Variants in PACS1 observed in about 807,000 individuals in gnomAD.
The protein encoded by PACS1 is PACS-1.
In PACS1, 24 loss-of-function variants were observed where a neutral mutation model predicts 115.0. The ratio of observed to expected loss-of-function variants is 0.21; its 90% confidence interval spans 0.15 to 0.29. PACS1 has a LOEUF of 0.29. Ranked by LOEUF, PACS1 falls within the 10% of genes least tolerant of loss-of-function variation. The pLI is 1.00. For missense variants in PACS1, 838 were observed against 1,251.2 expected, an observed-to-expected ratio of 0.67 and a Z score of 4.98; for synonymous variants, 453 against 504.5, an observed-to-expected ratio of 0.90 and a Z score of 1.37.
chr11:66,083,740 G>A (rs1297589339), intron 1 of PACS1, among the ~76,000 whole-genome samples: 1 of 152,070 alleles, frequency 6.6e-6, no homozygotes, highest in Non-Finnish European at 1.5e-5. Flanking sequence ...CTGTTTTCTT[G>A]TTTGTCATTT....
chr11:66,088,642 C>T (rs968294161), intron 1 of PACS1, among the ~76,000 whole-genome samples: 1 of 152,182 alleles, frequency 6.6e-6, no homozygotes. Flanking sequence ...GCCCTGTCTC[C>T]GTGACTGTAT....
At position 66,244,187 on chromosome 11, in the gene PACS1, A is replaced by AC. The variant is rs146861367; in HGVS notation, c.*912dup. The AC allele has an allele frequency of 6.7e-6, 1 of 149,530 alleles. No individual in the cohort carries two copies. Among genetic ancestry groups the AC allele is most frequent in the East Asian group, 2.0e-4 (1 of 5,042 alleles). 9.3% of individuals were successfully genotyped at this position (149,530 alleles called of 1,614,324 possible). On this transcript the variant is annotated 3_prime_UTR_variant, in exon 24 of 24. Coordinates refer to ENST00000320580, the MANE Select transcript of PACS1 (RefSeq NM_018026.4). ...CTGGACTTGGAGAGATGGGAGGCAGACCCCCACCACCATACATGCTGTCTG... is the reference window on the plus strand; with the variant it reads ...CTGGACTTGGAGAGATGGGAGGCAGACCCCCCACCACCATACATGCTGTCTG...
intron 1 of PACS1, among the ~76,000 whole-genome samples, chr11:66,108,647 C>T (rs1858111173): frequency 6.6e-6 from 1 of 152,072 alleles, no homozygotes; most frequent in African/African-American, 2.4e-5. Flanking sequence ...TACCTGTAGT[C>T]CAAGCTACTT....
chr11:66,165,025 T>C (rs1370971348), intron 1 of PACS1, among the ~76,000 whole-genome samples: 2 of 152,184 alleles, frequency 1.3e-5, no homozygotes, highest in East Asian at 3.9e-4. Flanking sequence ...ATGCCCTTTA[T>C]TGCAGCTTGA....
At chr11:66,121,072 G>A (rs1565114628) in intron 1 of PACS1, 5 of 456,120 alleles carry the variant, frequency 1.1e-5, no homozygotes, top group Non-Finnish European at 2.2e-5. Flanking sequence ...CGTTGAGTAA[G>A]TCTGTCGGCA....
chr11:66,230,596 G>A lies in PACS1; in HGVS notation c.1423G>A (p.Val475Met), dbSNP rs778277597. The change falls in exon 12 of 24, where the codon GTG becomes ATG. Residue 475 changes from valine to methionine, a missense_variant. Transcript: ENST00000320580. ...MFGDASTSLV[V>M]PEKVKTPMKS... ...TGGAGATGCCAGCACGAGTCTGGTT[G>A]TGCCGGAGAAAGTCAAAACTCCCAT... 2.8e-5 allele frequency: 46 copies of A among 1,614,052 alleles called. No homozygotes were observed. In the Middle Eastern group the frequency reaches 9.9e-4, roughly 35 times the overall value.
chr11:66,243,822 A>AG lies in PACS1; in HGVS notation c.*547dup, dbSNP rs932080990. ...CCCCAGAGCTTCTCAAGGGAGGGTA[A>AG]GGGGGCACCCTGAGCCCACAGGACC... On this transcript the variant is annotated 3_prime_UTR_variant, in exon 24 of 24. Coordinates refer to ENST00000320580, the MANE Select transcript of PACS1 (RefSeq NM_018026.4). The AG allele has an allele frequency of 3.3e-5, 5 of 153,806 alleles. No individual in the cohort carries two copies. Among genetic ancestry groups the AG allele is most frequent in the African/African-American group, 9.6e-5 (4 of 41,456 alleles). 9.5% of individuals were successfully genotyped at this position (153,806 alleles called of 1,614,324 possible). A position where few individuals can be genotyped will look rare whatever the true frequency, so the allele number is the denominator to read the frequency against.
chr11:66,136,704 G>C (rs1858854076), intron 1 of PACS1, among the ~76,000 whole-genome samples: 1 of 152,042 alleles, frequency 6.6e-6, no homozygotes, highest in Non-Finnish European at 1.5e-5. Flanking sequence ...CACTGAACAA[G>C]AATTCAGCAG....
intron 4 of PACS1, among the ~76,000 whole-genome samples, chr11:66,213,660 C>T (rs928427057): frequency 1.3e-5 from 2 of 152,246 alleles, no homozygotes; most frequent in African/African-American, 4.8e-5. Context: ...GAGCACACAT[C>T]GATAATTTCA....
rs1415926436 is a variant in PACS1, at chr11:66,243,292, C to G, written c.*12C>G. ...GCAAGGCCACCTGAGGCCCTGTCTCCCAGCCACTTTCCCTCCTGGCACTGC... is the reference window on the plus strand; with the variant it reads ...GCAAGGCCACCTGAGGCCCTGTCTCGCAGCCACTTTCCCTCCTGGCACTGC... On this transcript the variant is annotated 3_prime_UTR_variant, in exon 24 of 24. Coordinates refer to ENST00000320580, the MANE Select transcript of PACS1 (RefSeq NM_018026.4). 3.9e-6 allele frequency: 6 copies of G among 1,542,696 alleles called. No individual in the cohort carries two copies. The highest frequency in any genetic ancestry group is 1.4e-5 in the African/African-American group (1 of 73,100).
chr11:66,219,990 GGA>G lies in PACS1; in HGVS notation c.1038+193_1038+194del, dbSNP rs567395937. Reference sequence around the variant, plus strand: ...GCTAAGAAGGACTTAAGCAAGCAGAGGAGAGAGAGGCTATGCACACAACGCAG... The same window carrying G: ...GCTAAGAAGGACTTAAGCAAGCAGAGGAGAGAGGCTATGCACACAACGCAG... On this transcript the variant is annotated intron_variant, in intron 8 of 23. Transcript: ENST00000320580. 9.2e-5 allele frequency among the ~76,000 whole-genome samples: 14 copies of G among 152,120 alleles called. 1 individual carries two copies. In the East Asian group the frequency reaches 2.7e-3, roughly 30 times the overall value.
intron 1 of PACS1, among the ~76,000 whole-genome samples, chr11:66,142,663 G>T (rs1003561294): frequency 1.3e-5 from 2 of 149,892 alleles, no homozygotes; most frequent in Non-Finnish European, 3.0e-5. Context: ...TAATTACGTT[G>T]AAACCTGATA....
chr11:66,070,382 G>A lies in PACS1; in HGVS notation c.-105G>A. 1 of 619,874 alleles carries A rather than the reference G, an allele frequency of 1.6e-6. No individual in the cohort carries two copies. Among genetic ancestry groups the A allele is most frequent in the Non-Finnish European group, 2.2e-6 (1 of 448,436 alleles). The allele number at this position is 619,874 out of a possible 1,614,324, so 38.4% of individuals were successfully genotyped here. Reference sequence around the variant, plus strand: ...CTCGCTGGCTGCTCGCGCTCGGGCAGGCGGGCTGAGGAGGCTGCCGCGCCC... The same window carrying A: ...CTCGCTGGCTGCTCGCGCTCGGGCAAGCGGGCTGAGGAGGCTGCCGCGCCC... On this transcript the variant is annotated 5_prime_UTR_variant, in exon 1 of 24. Transcript: ENST00000320580. The surrounding 1 kb of genome is among the most constrained non-coding windows in gnomAD (Gnocchi z 5.9).
At chr11:66,096,211 T>G (rs1206467991) in intron 1 of PACS1, among the ~76,000 whole-genome samples, 1 of 10,852 alleles carries the variant, frequency 9.2e-5, no homozygotes, top group Non-Finnish European at 2.6e-4. Context: ...TTTTCTTTCT[T>G]TTTTTTTTTT....
At chr11:66,202,877 C>CA (rs1854849202) in intron 2 of PACS1, among the ~76,000 whole-genome samples, 1 of 149,284 alleles carries the variant, frequency 6.7e-6, no homozygotes, top group Non-Finnish European at 1.5e-5. Context: ...CAATAAAAGC[C>CA]ATATATGACA....
At chr11:66,217,149 A>G (rs1855232527) in intron 7 of PACS1, 1 of 309,846 alleles carries the variant, frequency 3.2e-6, no homozygotes, top group Non-Finnish European at 6.2e-6. Flanking sequence ...TAGGAGTAGC[A>G]CTAGTTTTAA....
intron 1 of PACS1, among the ~76,000 whole-genome samples, chr11:66,096,205 C>CTTTTTTTTTTT (rs1857775840): frequency 9.0e-6 from 1 of 111,128 alleles, no homozygotes; most frequent in African/African-American, 3.3e-5. Flanking sequence ...TTATCTTTTT[C>CTTTTTTTTTTT]TTTCTTTTTT....
chr11:66,088,073 A>G (rs1353969613), intron 1 of PACS1, among the ~76,000 whole-genome samples: 8 of 151,790 alleles, frequency 5.3e-5, no homozygotes, highest in Non-Finnish European at 1.0e-4. Flanking sequence ...ACATTTATCT[A>G]TTTTGGTTGT....
intron 19 of PACS1, among the ~76,000 whole-genome samples, chr11:66,237,583 C>T (rs1003394947): frequency 4.6e-5 from 7 of 152,210 alleles, no homozygotes; most frequent in South Asian, 4.1e-4. Context: ...AGCCAGTCCC[C>T]GGTTAGCCCC....
Sources: allele counts gnomAD v4.1 joint callset (sites outside exome capture counted in the v4.1 genomes callset), GRCh38; gene constraint gnomAD v4.1.1; non-coding constraint Gnocchi (gnomAD v3.1); transcripts MANE v1.5; gene names NCBI Gene and HGNC (gene_info 2026-07-23, HGNC 2026-07-21).